The following TRNT1 variants were observed in gnomAD, a reference collection of about 807,000 sequenced individuals.
TRNT1 encodes CCA tRNA nucleotidyltransferase 1, mitochondrial.
Under a neutral mutation model 45.6 loss-of-function variants are expected in TRNT1, and 44 were observed. The observed-to-expected ratio is 0.97, with a 90% confidence interval of 0.76 to 1.24. TRNT1 has a LOEUF of 1.24. TRNT1 is among the 50% of genes most tolerant of loss of function. TRNT1 has a pLI of 0.00. For missense variants in TRNT1, 633 were observed against 504.4 expected, an observed-to-expected ratio of 1.25 and a Z score of -2.44; for synonymous variants, 201 against 171.4, an observed-to-expected ratio of 1.17 and a Z score of -1.35.
At chr3:3,140,019 A>AC (rs149808482) in intron 3 of TRNT1, among the ~76,000 whole-genome samples, 1 of 151,910 alleles carries the variant, frequency 6.6e-6, no homozygotes, top group Middle Eastern at 3.4e-3. Flanking sequence ...ATGAGCCACC[A>AC]CCCCCAGCCT....
intron 5 of TRNT1, chr3:3,145,591 A>C (rs1394429270): frequency 1.3e-5 from 2 of 152,042 alleles, no homozygotes; most frequent in African/African-American, 4.8e-5. Context: ...ATGATGTTTA[A>C]ATGTCACACA....
At chr3:3,143,276 C>G (rs1230345716) in intron 4 of TRNT1, among the ~76,000 whole-genome samples, 3 of 152,138 alleles carry the variant, frequency 2.0e-5, no homozygotes, top group East Asian at 1.9e-4. Context: ...AACTTTAAAA[C>G]TAGGAATGTC....
chr3:3,129,098 C>A lies in TRNT1; in HGVS notation c.58C>A (p.Leu20Met). 6.2e-7 allele frequency: 1 copy of A among 1,614,048 alleles called. No individual in the cohort carries two copies. The highest frequency in any genetic ancestry group is 1.1e-5 in the South Asian group (1 of 91,086). ...RPVLNRRWSR[L>M]CLPKQYLFTM... ...AGTGCTGAACCGTAGGTGGAGTAGG[C>A]TGTGCCTTCCGAAGCAGTATCTATT... The change falls in exon 2 of 8, where the codon CTG becomes ATG. Residue 20 changes from leucine to methionine, a missense_variant. Transcript: ENST00000251607.
intron 5 of TRNT1, 91 bp from the exon 6 acceptor site, chr3:3,146,339 G>A (rs1038651336): frequency 2.7e-5 from 26 of 949,436 alleles, no homozygotes; most frequent in South Asian, 5.3e-5. Flanking sequence ...TTAAGCAGAT[G>A]TATGGGATAG....
At chr3:3,143,941 T>G (rs1275879609) in intron 4 of TRNT1, among the ~76,000 whole-genome samples, 1 of 152,250 alleles carries the variant, frequency 6.6e-6, no homozygotes, top group Admixed American at 6.5e-5. Context: ...AGGTAGCCTA[T>G]TTTTCTATTT....
chr3:3,150,748 T>C, downstream of TRNT1: 1 of 982,858 alleles, frequency 1.0e-6, no homozygotes, highest in African/African-American at 1.6e-5. Flanking sequence ...AGTAATGTTA[T>C]GTTTACTTAG....
At chr3:3,128,381 G>C (rs1464839278) in intron 1 of TRNT1, among the ~76,000 whole-genome samples, 5 of 152,168 alleles carry the variant, frequency 3.3e-5, no homozygotes, top group Non-Finnish European at 7.4e-5. Flanking sequence ...CAGATCACTT[G>C]AGGTCAGGAG....
intron 4 of TRNT1, among the ~76,000 whole-genome samples, chr3:3,142,038 A>C (rs1023038906): frequency 6.6e-6 from 1 of 152,218 alleles, no homozygotes; most frequent in Non-Finnish European, 1.5e-5. Context: ...GCTTGTTTCC[A>C]AGGCCTAGGC....
chr3:3,147,592 C>CG lies in TRNT1; in HGVS notation c.946dup (p.Ala316GlyfsTer13). ...CAAAATTGGATTTGAGGTTGAAGATCGCAAAAGAGGAGAAAAACCTTGGCT... is the reference window on the plus strand; with the variant it reads ...CAAAATTGGATTTGAGGTTGAAGATCGGCAAAAGAGGAGAAAAACCTTGGCT... On this transcript the variant is annotated frameshift_variant, in exon 7 of 8. Coordinates refer to ENST00000251607, the MANE Select transcript of TRNT1 (RefSeq NM_182916.3). LOFTEE classifies it high-confidence loss of function. 1.9e-6 allele frequency: 3 copies of CG among 1,613,740 alleles called. No individual in the cohort carries two copies. The highest frequency in any genetic ancestry group is 2.5e-6 in the Non-Finnish European group (3 of 1,179,886).
chr3:3,151,095 A>G (rs1706509384), downstream of TRNT1: 1 of 1,584,828 alleles, frequency 6.3e-7, no homozygotes. Flanking sequence ...CTGTACTCCA[A>G]GCCTATCATA....
rs147986219 is a variant in TRNT1 at position 3,147,509 on chromosome 3, T to A, written c.862T>A (p.Phe288Ile). The A allele has an allele frequency of 1.2e-4, 194 of 1,613,844 alleles. No individual in the cohort carries two copies. The African/African-American group carries it at 2.1e-3, about 17-fold the overall frequency. ...FDKVSKNVDG[F>I]SPKPVTLLAS... ...CAAAGTCAGTAAAAATGTTGATGGT[T>A]TTTCACCAAAGCCAGTGACTCTTTT... The change falls in exon 7 of 8, where the codon TTT becomes ATT. Residue 288 changes from phenylalanine (F) to isoleucine (I), a missense_variant. Physicochemically the swap from Phe to Ile is conservative, Grantham distance 21 (BLOSUM62 0). Coordinates refer to ENST00000251607, the MANE Select transcript of TRNT1 (RefSeq NM_182916.3).
chr3:3,140,419 C>T, intron 3 of TRNT1, 91 bp from the exon 4 acceptor site: 1 of 1,304,180 alleles, frequency 7.7e-7, no homozygotes, highest in Non-Finnish European at 1.1e-6. Flanking sequence ...TAGTACCATC[C>T]CTTTATAAAG....
At chr3:3,139,785 A>G (rs1705533570) in intron 3 of TRNT1, among the ~76,000 whole-genome samples, 1 of 152,096 alleles carries the variant, frequency 6.6e-6, no homozygotes, top group Non-Finnish European at 1.5e-5. Context: ...TGGAGTGCAC[A>G]GTGTGATCTC....
At chr3:3,127,832 G>C (rs767733955) in intron 1 of TRNT1, 3 of 152,152 alleles carry the variant, frequency 2.0e-5, no homozygotes, top group Admixed American at 1.3e-4. Flanking sequence ...TGCGAGTGTC[G>C]TGGTAATGCT....
chr3:3,151,018 C>G, downstream of TRNT1: 2 of 1,613,788 alleles, frequency 1.2e-6, no homozygotes, highest in East Asian at 2.2e-5. Flanking sequence ...TTGCACAGAT[C>G]TTACACTGGG....
intron 3 of TRNT1, 86 bp from the exon 4 acceptor site, chr3:3,140,424 A>T: frequency 7.1e-7 from 1 of 1,408,508 alleles, no homozygotes; most frequent in Non-Finnish European, 9.7e-7. Context: ...CCATCCCTTT[A>T]TAAAGACAAA....
downstream of TRNT1, among the ~76,000 whole-genome samples, chr3:3,152,065 T>C (rs1447906684): frequency 1.3e-5 from 2 of 152,188 alleles, no homozygotes; most frequent in Non-Finnish European, 2.9e-5. Context: ...TTGTCAACCT[T>C]TTCTTCCTTT....
intron 1 of TRNT1, chr3:3,127,642 A>G (rs1704672709): frequency 1.3e-5 from 2 of 152,348 alleles, no homozygotes; most frequent in South Asian, 4.1e-4. Flanking sequence ...TACAATGTCT[A>G]GGAGCTATCC....
At position 3,127,039 on chromosome 3, in the gene TRNT1, G is replaced by C. The variant is rs529129204; in HGVS notation, c.-28+49G>C. 4 of 152,480 alleles carry C rather than the reference G, an allele frequency of 2.6e-5. No homozygotes were observed. The South Asian group carries it at 8.3e-4, about 32-fold the overall frequency. 9.4% of individuals were successfully genotyped at this position (152,480 alleles called of 1,614,324 possible). Reference sequence around the variant, plus strand: ...AGGGGCAGAGTTGGTGGCGTGAGTTGCTGCCCCTTCCTTCCTGCTGTGGGC... The same window carrying C: ...AGGGGCAGAGTTGGTGGCGTGAGTTCCTGCCCCTTCCTTCCTGCTGTGGGC... On this transcript the variant is annotated intron_variant, in intron 1 of 7. Coordinates refer to ENST00000251607, the MANE Select transcript of TRNT1 (RefSeq NM_182916.3).
Sources: allele counts gnomAD v4.1 joint callset (sites outside exome capture counted in the v4.1 genomes callset), GRCh38; gene constraint gnomAD v4.1.1; transcripts MANE v1.5; gene names NCBI Gene and HGNC (gene_info 2026-07-23, HGNC 2026-07-21).